The following SPECC1 variants were observed in gnomAD, a reference collection of about 807,000 sequenced individuals.
SPECC1 encodes cytospin-B.
SPECC1 carries 62 observed loss-of-function variants against 104.1 expected under a neutral mutation model. The ratio of observed to expected loss-of-function variants is 0.60; its 90% CI spans 0.49 to 0.74. The LOEUF (loss-of-function observed/expected upper bound fraction) is 0.74. Among genes scored for constraint, SPECC1 ranks in the 30% least tolerant of loss-of-function variants. The pLI is 0.00. For missense variants in SPECC1, 1,306 were observed against 1,310.5 expected, an observed-to-expected ratio of 1.00 and a Z score of 0.05; for synonymous variants, 513 against 501.6, an observed-to-expected ratio of 1.02 and a Z score of -0.30.
intron 4 of SPECC1, among the ~76,000 whole-genome samples, chr17:20,214,371 G>A (rs7225948): frequency 0.039 from 5,871 of 152,182 alleles, 361 homozygotes; most frequent in African/African-American, 0.13. Context: ...GCTTTTGGTC[G>A]GAGGAATTTT....
intron 1 of SPECC1, among the ~76,000 whole-genome samples, chr17:20,030,910 T>C (rs1597587964): frequency 6.6e-6 from 1 of 152,238 alleles, no homozygotes; most frequent in Admixed American, 6.5e-5. Context: ...TTTTGTGCTC[T>C]CATGAGCCTT....
chr17:20,090,462 G>C (rs1311268240), intron 1 of SPECC1, among the ~76,000 whole-genome samples: 2 of 152,050 alleles, frequency 1.3e-5, no homozygotes, highest in Admixed American at 6.5e-5. Flanking sequence ...ATGTGCAAAG[G>C]CCCGGAGCCA....
In SPECC1 at chr17:20,315,875, C is replaced by T. The variant is rs1333734824; in HGVS notation, c.*1810C>T. The T allele has an allele frequency of 1.3e-5, 3 of 232,596 alleles. No homozygotes were observed. Among genetic ancestry groups the T allele is most frequent in the Non-Finnish European group, 2.5e-5 (3 of 117,714 alleles). The allele number at this position is 232,596 out of a possible 1,614,324, so 14.4% of individuals were successfully genotyped here. ...TACAGTGGACCCTTTTGAAAACACT[C>T]TTGGCTGCCCTAGTTGGTTAACTTC... On this transcript the variant is annotated 3_prime_UTR_variant, in exon 15 of 15. Transcript: ENST00000395527.
At chr17:20,298,421 C>T (rs1308710594) in intron 13 of SPECC1, among the ~76,000 whole-genome samples, 2 of 151,566 alleles carry the variant, frequency 1.3e-5, no homozygotes, top group Non-Finnish European at 2.9e-5. Context: ...CTGGGGAACA[C>T]CTTGGTGTTG....
chr17:20,258,785 G>T (rs1227209596), intron 11 of SPECC1, among the ~76,000 whole-genome samples: 2 of 152,182 alleles, frequency 1.3e-5, no homozygotes, highest in Admixed American at 6.5e-5. Context: ...TCATGAAGTT[G>T]TACCTAACAC....
At chr17:20,292,801 C>G (rs1374835428) in intron 12 of SPECC1, among the ~76,000 whole-genome samples, 1 of 152,176 alleles carries the variant, frequency 6.6e-6, no homozygotes, top group Non-Finnish European at 1.5e-5. Context: ...GTGTGCTTAG[C>G]GACTGCTGAA....
At chr17:20,204,171 C>T (rs1003589150) in intron 3 of SPECC1, among the ~76,000 whole-genome samples, 162 bp from the exon 4 acceptor site, 2 of 152,080 alleles carry the variant, frequency 1.3e-5, no homozygotes, top group Non-Finnish European at 2.9e-5. Context: ...GGGGAGGAAG[C>T]ACAGAAACCA....
At chr17:20,056,349 G>T in intron 1 of SPECC1, 1 of 191,426 alleles carries the variant, frequency 5.2e-6, no homozygotes, top group Non-Finnish European at 1.1e-5. Context: ...AGCCTGCACT[G>T]AAGCCCAGCA....
At chr17:20,278,480 C>G (rs916038932) in intron 12 of SPECC1, among the ~76,000 whole-genome samples, 1 of 152,174 alleles carries the variant, frequency 6.6e-6, no homozygotes, top group Non-Finnish European at 1.5e-5. Flanking sequence ...CTCTTCTGAC[C>G]TGCCAAATTC....
At chr17:20,186,887 A>C (rs1043770994) in intron 3 of SPECC1, among the ~76,000 whole-genome samples, 1 of 151,872 alleles carries the variant, frequency 6.6e-6, no homozygotes, top group African/African-American at 2.4e-5. Context: ...TTTTGTTTTT[A>C]ATTGTTGCCT....
Position 20,205,061 on chromosome 17 carries a change from A to G in SPECC1, c.1012A>G (p.Thr338Ala). The G allele has an allele frequency of 6.2e-7, 1 of 1,614,178 alleles. No individual in the cohort carries two copies. Among genetic ancestry groups the G allele is most frequent in the African/African-American group, 1.3e-5 (1 of 75,058 alleles). The stretch of plus-strand genomic sequence containing the variant: ...CGACTTTGAGCACATTACAGCAGAG[A>G]CACCCTCAAGGCCCCTGTCCTCCAC... ...ASDFEHITAE[T>A]PSRPLSSTSN... Residue 338 changes from threonine to alanine, a missense_variant, in exon 4 of 15, where the codon ACA (threonine) becomes GCA (alanine). Thr to Ala is a moderately conservative substitution (Grantham distance 58). Around this residue, in one of 2 missense-constraint regions of SPECC1, gnomAD observed 1,177 missense variants for 1,139.9 expected, o/e 1.03. Transcript: ENST00000395527.
At chr17:20,266,927 C>T (rs753169967) in intron 12 of SPECC1, among the ~76,000 whole-genome samples, 1 of 152,104 alleles carries the variant, frequency 6.6e-6, no homozygotes, top group African/African-American at 2.4e-5. Context: ...TCATTACTGT[C>T]GTTACTGTGC....
At chr17:20,170,111 G>A (rs900140662) in intron 3 of SPECC1, among the ~76,000 whole-genome samples, 1 of 152,090 alleles carries the variant, frequency 6.6e-6, no homozygotes, top group Admixed American at 6.6e-5. Context: ...GCCCTCCTCC[G>A]TCCAGTTTGT....
chr17:20,067,600 C>G (rs1231439488), intron 1 of SPECC1, among the ~76,000 whole-genome samples: 9 of 151,994 alleles, frequency 5.9e-5, no homozygotes, highest in Non-Finnish European at 1.0e-4. Context: ...ATCACTTTCT[C>G]TATTGAGATG....
intron 3 of SPECC1, among the ~76,000 whole-genome samples, chr17:20,181,082 A>G (rs2034850940): frequency 6.6e-6 from 1 of 152,180 alleles, no homozygotes; most frequent in Admixed American, 6.5e-5. Flanking sequence ...TCTCTGCACC[A>G]AAAGAAAATC....
intron 1 of SPECC1, among the ~76,000 whole-genome samples, chr17:20,023,047 GT>G (rs954480028): frequency 6.6e-6 from 1 of 152,176 alleles, no homozygotes; most frequent in African/African-American, 2.4e-5. Context: ...AAAAACTATG[GT>G]TTAGTGAAAT....
At chr17:20,065,363 C>T (rs551816391) in intron 1 of SPECC1, among the ~76,000 whole-genome samples, 1 of 149,006 alleles carries the variant, frequency 6.7e-6, no homozygotes, top group South Asian at 2.1e-4. Flanking sequence ...AACTTCTGAC[C>T]AACTGGCTTC....
At chr17:20,038,311 T>C (rs1239978132) in intron 1 of SPECC1, among the ~76,000 whole-genome samples, 2 of 132,108 alleles carry the variant, frequency 1.5e-5, no homozygotes, top group Non-Finnish European at 3.4e-5. Context: ...GACTATTGAT[T>C]TGAAACTTTT....
intron 12 of SPECC1, among the ~76,000 whole-genome samples, chr17:20,270,432 CCAAAAAAAAAAAAAAAAAAAAAA>C (rs2040364014): frequency 2.3e-5 from 1 of 43,064 alleles, no homozygotes; most frequent in Non-Finnish European, 4.2e-5. Flanking sequence ...CCTGTCTTTA[CCAAAAAAAAAAAAAAAAAAAAAA>C]AAAAAAAAAA....
Sources: gnomAD v4.1 joint callset for allele counts (sites outside exome capture counted in the v4.1 genomes callset) on GRCh38, gnomAD v4.1.1 for gene constraint, gnomAD v4.1.1 regional missense constraint, MANE v1.5 for transcripts, NCBI Gene and HGNC (gene_info 2026-07-23, HGNC 2026-07-21) for gene names.